APBA1: variants seen among roughly 807,000 people sequenced by gnomAD.
APBA1 encodes the protein amyloid-beta A4 precursor protein-binding family A member 1.
A neutral mutation model predicts 86.6 loss-of-function variants in APBA1; 55 were observed. The ratio of observed to expected loss-of-function variants is 0.64; its 90% CI spans 0.51 to 0.80. The LOEUF is 0.80. APBA1 is among the 30% of genes least tolerant of loss of function. APBA1 has a pLI of 0.00. For missense variants in APBA1, 1,090 were observed against 1,183.0 expected (o/e 0.92, Z 1.15); for synonymous variants, 511 against 493.9 (o/e 1.03, Z -0.46).
chr9:69,531,074 TA>T (rs1356996789), intron 1 of APBA1, among the ~76,000 whole-genome samples: 3 of 152,182 alleles, frequency 2.0e-5, no homozygotes, highest in Non-Finnish European at 4.4e-5. Context: ...ATGATCAATA[TA>T]AAAATTATTA....
At chr9:69,568,273 G>A (rs1264213664) in intron 1 of APBA1, among the ~76,000 whole-genome samples, 2 of 152,144 alleles carry the variant, frequency 1.3e-5, no homozygotes, top group Non-Finnish European at 2.9e-5. Flanking sequence ...CACAGCAAGG[G>A]TTGGGGGCAC....
chr9:69,590,170 A>C (rs1331849410), intron 1 of APBA1, among the ~76,000 whole-genome samples: 1 of 152,186 alleles, frequency 6.6e-6, no homozygotes, highest in Non-Finnish European at 1.5e-5. Flanking sequence ...AAGATGTACT[A>C]TCAATGTTTC....
chr9:69,546,381 A>G (rs1339598050), intron 1 of APBA1, among the ~76,000 whole-genome samples: 2 of 152,164 alleles, frequency 1.3e-5, no homozygotes, highest in Non-Finnish European at 2.9e-5. Flanking sequence ...CCATTTCTGT[A>G]GGAACTGTTC....
chr9:69,443,249 T>C (rs1834854779), intron 10 of APBA1, among the ~76,000 whole-genome samples: 1 of 152,184 alleles, frequency 6.6e-6, no homozygotes, highest in South Asian at 2.1e-4. Flanking sequence ...ATGACAAATC[T>C]CCCAGATGAT....
intron 1 of APBA1, among the ~76,000 whole-genome samples, chr9:69,533,425 T>C (rs1294945306): frequency 2.0e-5 from 3 of 152,192 alleles, no homozygotes; most frequent in African/African-American, 7.2e-5. Context: ...GTTGTTGCTT[T>C]GTAAACAGTA....
chr9:69,432,622 G>A lies in APBA1; in HGVS notation c.2356C>T (p.His786Tyr). 1 of 1,605,948 alleles carries A rather than the reference G, an allele frequency of 6.2e-7. No individual in the cohort carries two copies. Among genetic ancestry groups the A allele is most frequent in the South Asian group, 1.1e-5 (1 of 89,956 alleles). ...TGTCCATTGATTTCAATGATCCGGTGCCCCACACGGACGCCTCCTCTCTCA... is the reference window on the plus strand; with the variant it reads ...TGTCCATTGATTTCAATGATCCGGTACCCCACACGGACGCCTCCTCTCTCA... ...IAERGGVRVG[H>Y]RIIEINGQSV... is the part of the protein sequence containing the mutation. Residue 786 changes from histidine (H) to tyrosine (Y), a missense_variant, in exon 12 of 13, where the codon CAC becomes TAC. His to Tyr is a moderately conservative substitution (Grantham distance 83). Coordinates refer to ENST00000265381, the MANE Select transcript of APBA1 (RefSeq NM_001163.4).
chr9:69,632,741 G>T (rs1823073350), intron 1 of APBA1, among the ~76,000 whole-genome samples: 1 of 152,116 alleles, frequency 6.6e-6, no homozygotes, highest in African/African-American at 2.4e-5. Flanking sequence ...TTATCATTTT[G>T]CTGTATAGAA....
At chr9:69,558,345 T>C (rs1344683917) in intron 1 of APBA1, among the ~76,000 whole-genome samples, 2 of 152,066 alleles carry the variant, frequency 1.3e-5, no homozygotes, top group African/African-American at 4.8e-5. Context: ...TGATTACTAA[T>C]TTTATTGCAC....
At chr9:69,453,949 T>C (rs1366119170) in intron 8 of APBA1, among the ~76,000 whole-genome samples, 1 of 152,182 alleles carries the variant, frequency 6.6e-6, no homozygotes, top group Non-Finnish European at 1.5e-5. Flanking sequence ...GTTGAGGGGT[T>C]AAACTGCACA....
At chr9:69,657,938 C>T (rs1302402219) in intron 1 of APBA1, among the ~76,000 whole-genome samples, 1 of 152,140 alleles carries the variant, frequency 6.6e-6, no homozygotes, top group Non-Finnish European at 1.5e-5. Flanking sequence ...AAGATTACAA[C>T]ACATTTTTCT....
intron 1 of APBA1, among the ~76,000 whole-genome samples, chr9:69,566,470 T>G (rs1837028539): frequency 6.6e-6 from 1 of 152,198 alleles, no homozygotes; most frequent in Non-Finnish European, 1.5e-5. Flanking sequence ...TATTGGTGCT[T>G]GGTAAATGCT....
intron 1 of APBA1, among the ~76,000 whole-genome samples, chr9:69,596,516 C>T (rs747206196): frequency 1.4e-4 from 21 of 152,244 alleles, no homozygotes; most frequent in Admixed American, 1.3e-3. Flanking sequence ...CATAATAGTG[C>T]CAGCTATATG....
At chr9:69,549,665 A>T (rs1303313174) in intron 1 of APBA1, among the ~76,000 whole-genome samples, 1 of 152,208 alleles carries the variant, frequency 6.6e-6, no homozygotes, top group South Asian at 2.1e-4. Flanking sequence ...CATCCGAAAA[A>T]TTCGATTCAT....
intron 1 of APBA1, among the ~76,000 whole-genome samples, chr9:69,546,046 G>A (rs746718752): frequency 6.6e-6 from 1 of 152,118 alleles, no homozygotes; most frequent in Non-Finnish European, 1.5e-5. Context: ...AATTATACAA[G>A]ATAAATTTAC....
intron 1 of APBA1, among the ~76,000 whole-genome samples, chr9:69,571,431 T>A (rs1837112850): frequency 6.6e-6 from 1 of 152,192 alleles, no homozygotes; most frequent in Admixed American, 6.5e-5. Flanking sequence ...AGGGAAATGC[T>A]TTCAATATAA....
At chr9:69,597,376 A>G (rs1322749087) in intron 1 of APBA1, among the ~76,000 whole-genome samples, 5 of 151,874 alleles carry the variant, frequency 3.3e-5, no homozygotes, top group African/African-American at 1.2e-4. Context: ...TTTTTCTTGT[A>G]AATTTGTTTG....
intron 1 of APBA1, among the ~76,000 whole-genome samples, chr9:69,617,259 G>A (rs181727219): frequency 1.1e-4 from 17 of 152,150 alleles, no homozygotes; most frequent in Non-Finnish European, 2.1e-4. Context: ...CCACTGCAAT[G>A]CCTATTACCA....
intron 1 of APBA1, among the ~76,000 whole-genome samples, chr9:69,587,885 G>A (rs1339063489): frequency 1.3e-5 from 2 of 152,018 alleles, no homozygotes; most frequent in Non-Finnish European, 2.9e-5. Context: ...AGTTAGCTGG[G>A]CATGGTGTTG....
rs139073983 is a variant in APBA1, at chr9:69,643,903, C to T, written c.-70+28250G>A. On this transcript the variant is annotated intron_variant, in intron 1 of 12. Coordinates refer to ENST00000265381, the MANE Select transcript of APBA1 (RefSeq NM_001163.4). ...CTGTCTCTCAGCTTCTTGCTATTAT[C>T]CAAGGACTCCAAGCATGCTCTTGCC... Among the ~76,000 whole-genome samples, 382 of 152,286 alleles carry T rather than the reference C, an allele frequency of 2.5e-3. 2 individuals carry two copies. The highest frequency in any genetic ancestry group is 8.7e-3 in the African/African-American group (361 of 41,560).
Sources: allele counts gnomAD v4.1 joint callset (sites outside exome capture counted in the v4.1 genomes callset), GRCh38; gene constraint gnomAD v4.1.1; transcripts MANE v1.5; gene names NCBI Gene and HGNC (gene_info 2026-07-23, HGNC 2026-07-21).